Variants in CBFA2T3 observed in about 807,000 individuals in gnomAD.
CBFA2T3 encodes transcriptional corepressor CBFA2T3.
A neutral mutation model predicts 58.6 loss-of-function variants in CBFA2T3; 31 were observed. The ratio of observed to expected loss-of-function variants is 0.53; its 90% CI spans 0.40 to 0.71. The LOEUF is 0.71. Ranked by LOEUF, CBFA2T3 falls within the 30% of genes least tolerant of loss-of-function variation. CBFA2T3 has a pLI of 0.00. For missense variants in CBFA2T3, 1,076 were observed against 963.1 expected (o/e 1.12, Z -1.55); for synonymous variants, 531 against 421.9 (o/e 1.26, Z -3.17).
At chr16:88,938,374 G>C (rs1453821489) in intron 1 of CBFA2T3, 1 of 152,382 alleles carries the variant, frequency 6.6e-6, no homozygotes, top group African/African-American at 2.4e-5. Flanking sequence ...GGGCTGGACA[G>C]GGGCCTGGAG....
chr16:88,926,179 G>C (rs563898452), intron 1 of CBFA2T3, among the ~76,000 whole-genome samples: 1 of 152,218 alleles, frequency 6.6e-6, no homozygotes, highest in Non-Finnish European at 1.5e-5. Context: ...AGCCGCAGCC[G>C]GGGGTACAAC....
intron 1 of CBFA2T3, among the ~76,000 whole-genome samples, chr16:88,928,163 T>C (rs1971148026): frequency 2.0e-5 from 3 of 152,212 alleles, no homozygotes; most frequent in African/African-American, 7.2e-5. Context: ...CGAGGGTCTC[T>C]GAGCACCACC....
At position 88,958,500 on chromosome 16, in the gene CBFA2T3, G is replaced by T. The variant is rs567634296; in HGVS notation, c.151+18157C>A. ...GAGTGACACCAGGTCCCGGTGCAGC[G>T]CTCGTGAGTGCCCCACATCCCTGGG... On this transcript the variant is annotated intron_variant, in intron 1 of 11. Transcript: ENST00000268679. This position sits in a 1 kb window ranked among gnomAD's most constrained non-coding sequence, Gnocchi z 4.0. 6.6e-6 allele frequency among the ~76,000 whole-genome samples: 1 copy of T among 152,170 alleles called. No homozygotes were observed. The highest frequency in any genetic ancestry group is 1.5e-5 in the Non-Finnish European group (1 of 68,020).
At chr16:88,934,928 G>A (rs912921996) in intron 1 of CBFA2T3, among the ~76,000 whole-genome samples, 4 of 152,336 alleles carry the variant, frequency 2.6e-5, no homozygotes, top group East Asian at 3.9e-4. Context: ...TTTTAGTAGA[G>A]ACGGGGTTTC....
At chr16:88,952,437 A>G (rs953788479) in intron 1 of CBFA2T3, among the ~76,000 whole-genome samples, 2 of 151,978 alleles carry the variant, frequency 1.3e-5, no homozygotes, top group Non-Finnish European at 2.9e-5. Context: ...TTTCAGCAGG[A>G]CAAATGCCCA....
intron 5 of CBFA2T3, among the ~76,000 whole-genome samples, chr16:88,891,631 C>T (rs899280560): frequency 7.9e-5 from 12 of 152,214 alleles, no homozygotes; most frequent in African/African-American, 2.9e-4. Context: ...GGCTGATAAT[C>T]ATCCGGTCTG....
intron 10 of CBFA2T3, 107 bp downstream of exon 10, chr16:88,880,613 G>GC: frequency 1.1e-6 from 1 of 919,912 alleles, no homozygotes; most frequent in Non-Finnish European, 1.7e-6. Flanking sequence ...TGTAGCCTGA[G>GC]CCCCCAGAGA....
At chr16:88,930,606 C>T (rs1196302487) in intron 1 of CBFA2T3, among the ~76,000 whole-genome samples, 1 of 150,658 alleles carries the variant, frequency 6.6e-6, no homozygotes, top group Non-Finnish European at 1.5e-5. Context: ...GGCCCCGTCA[C>T]CTTCATCCGC....
At chr16:88,915,816 C>A (rs946874153) in intron 1 of CBFA2T3, among the ~76,000 whole-genome samples, 1 of 151,754 alleles carries the variant, frequency 6.6e-6, no homozygotes, top group Non-Finnish European at 1.5e-5. Context: ...GGCGGGCGCC[C>A]TGGTGGGCTG....
In CBFA2T3 at chr16:88,891,875, G is replaced by C. The variant is rs544527020; in HGVS notation, c.711+7C>G. On this transcript the variant is annotated splice_region_variant and intron_variant, in intron 5 of 11. Coordinates refer to ENST00000268679, the MANE Select transcript of CBFA2T3 (RefSeq NM_005187.6). ...TCCCGCAGCACGGGGGACGGGTTTC[G>C]CATTACCTTCAGGAAGGGAATGACA... The C allele has an allele frequency of 6.9e-6, 11 of 1,602,000 alleles. No homozygotes were observed. Among genetic ancestry groups the C allele is most frequent in the Non-Finnish European group, 9.4e-6 (11 of 1,170,268 alleles).
In CBFA2T3 at chr16:88,901,549, C is replaced by A. The variant is rs751384339; in HGVS notation, c.259G>T (p.Ala87Ser). 8 of 1,475,930 alleles carry A rather than the reference C, an allele frequency of 5.4e-6. No homozygotes were observed. Among genetic ancestry groups the A allele is most frequent in the Non-Finnish European group, 7.2e-6 (8 of 1,116,970 alleles). The allele number at this position is 1,475,930 out of a possible 1,614,324, so 91.4% of individuals were successfully genotyped here. ...PPSMPPPPPA[A>S]SQGATRPPSF... ...GGGGGGCGTGTGGCCCCCTGGGATG[C>A]GGCAGGCGGTGGGGGCGGCATGCTG... Residue 87 changes from alanine to serine, a missense_variant, in exon 2 of 12, where the codon GCA (alanine) becomes TCA (serine). Ala to Ser is a moderately conservative substitution (Grantham distance 99, BLOSUM62 1). Coordinates refer to ENST00000268679, the MANE Select transcript of CBFA2T3 (RefSeq NM_005187.6).
intron 8 of CBFA2T3, among the ~76,000 whole-genome samples, chr16:88,881,813 G>C (rs1040149444): frequency 6.6e-6 from 1 of 152,250 alleles, no homozygotes; most frequent in African/African-American, 2.4e-5. Flanking sequence ...CTTCCAAAAA[G>C]CATGAGGGCG....
At chr16:88,925,933 G>C (rs1157868740) in intron 1 of CBFA2T3, among the ~76,000 whole-genome samples, 2 of 152,236 alleles carry the variant, frequency 1.3e-5, no homozygotes, top group African/African-American at 4.8e-5. Context: ...AAGAGAGGCT[G>C]AGAAGGACCA....
intron 1 of CBFA2T3, among the ~76,000 whole-genome samples, chr16:88,960,258 C>G (rs1346281557): frequency 6.6e-6 from 1 of 152,140 alleles, no homozygotes; most frequent in Non-Finnish European, 1.5e-5. Flanking sequence ...CTGCCTCAAG[C>G]TCTAAGTTCA....
chr16:88,901,522 A>AGG lies in CBFA2T3; in HGVS notation c.284_285dup (p.Ser96ProfsTer25). ...TACTTACGTGTGTGTGGCGTGAAGG[A>AGG]GGGGGGGCGTGTGGCCCCCTGGGAT... On this transcript the variant is annotated frameshift_variant, in exon 2 of 12. Transcript: ENST00000268679. LOFTEE classifies it high-confidence loss of function. 6.8e-7 allele frequency: 1 copy of AGG among 1,467,480 alleles called. No homozygotes were observed. Among genetic ancestry groups the AGG allele is most frequent in the Non-Finnish European group, 9.0e-7 (1 of 1,110,596 alleles). The allele number at this position is 1,467,480 out of a possible 1,614,324, so 90.9% of individuals were successfully genotyped here.
At chr16:88,927,611 T>G (rs1971126207) in intron 1 of CBFA2T3, among the ~76,000 whole-genome samples, 1 of 152,062 alleles carries the variant, frequency 6.6e-6, no homozygotes, top group South Asian at 2.1e-4. Context: ...CAGGTGATAA[T>G]CTCCGGGCTG....
chr16:88,976,781 C>A lies in CBFA2T3; in HGVS notation c.27G>T (p.Arg9Ser). The A allele has an allele frequency of 6.4e-7, 1 of 1,556,012 alleles. No homozygotes were observed. The highest frequency in any genetic ancestry group is 2.4e-5 in the East Asian group (1 of 41,930). The change falls in exon 1 of 12, where the codon AGG becomes AGT. Residue 9 changes from arginine (R) to serine (S), a missense_variant. Physicochemically the swap from Arg to Ser is moderately radical, Grantham distance 110. Coordinates refer to ENST00000268679, the MANE Select transcript of CBFA2T3 (RefSeq NM_005187.6). Reference sequence around the variant, plus strand: ...TGGATCCCGAGGCTGAACTGGCTGCCCTGTCCCTCAGTCTTGAAGCCGGCA... The same window carrying A: ...TGGATCCCGAGGCTGAACTGGCTGCACTGTCCCTCAGTCTTGAAGCCGGCA... The part of the protein sequence containing the change: MPASRLRD[R>S]AASSASGSTC...
At chr16:88,961,755 C>T (rs371012486) in intron 1 of CBFA2T3, among the ~76,000 whole-genome samples, 4 of 102,890 alleles carry the variant, frequency 3.9e-5, no homozygotes, top group Admixed American at 9.3e-5. Context: ...CCATAGTAAC[C>T]GACACTCAGC....
At chr16:88,947,176 C>G (rs763716178) in intron 1 of CBFA2T3, among the ~76,000 whole-genome samples, 1 of 152,258 alleles carries the variant, frequency 6.6e-6, no homozygotes, top group African/African-American at 2.4e-5. Context: ...GGACCCCCCA[C>G]TAGGGAACAA....
Sources: gnomAD v4.1 joint callset for allele counts (sites outside exome capture counted in the v4.1 genomes callset) on GRCh38, gnomAD v4.1.1 for gene constraint, Gnocchi (gnomAD v3.1) non-coding constraint, MANE v1.5 for transcripts, NCBI Gene and HGNC (gene_info 2026-07-23, HGNC 2026-07-21) for gene names.